Variants in ZFHX4 observed in about 807,000 individuals in gnomAD.
The protein encoded by ZFHX4 is zinc finger homeobox 4, also known as zinc finger homeobox protein 4.
ZFHX4 carries 56 observed loss-of-function variants against 267.6 expected under a neutral mutation model. The ratio of observed to expected loss-of-function variants is 0.21; its 90% CI spans 0.17 to 0.26. The LOEUF (loss-of-function observed/expected upper bound fraction) is 0.26. Among genes scored for constraint, ZFHX4 ranks in the 10% least tolerant of loss-of-function variants. ZFHX4 has a pLI of 1.00. For synonymous variants in ZFHX4, 1,778 were observed against 1,665.6 expected (o/e 1.07, Z -1.64); for missense variants, 4,332 against 4,420.0 (o/e 0.98, Z 0.56).
At chr8:76,856,348 G>A (rs768598982) in intron 10 of ZFHX4, 48 bp downstream of exon 10, 2 of 1,599,542 alleles carry the variant, frequency 1.3e-6, no homozygotes, top group Non-Finnish European at 1.7e-6. Context: ...GTAGCATCAG[G>A]TAGACAGTCA....
intron 4 of ZFHX4, among the ~76,000 whole-genome samples, chr8:76,792,977 T>C (rs895024466): frequency 2.0e-5 from 3 of 152,148 alleles, no homozygotes; most frequent in African/African-American, 7.2e-5. Flanking sequence ...CACATTGCCG[T>C]GGGGCCTTAA....
At position 76,766,247 on chromosome 8, in the gene ZFHX4, C is replaced by T. The variant is rs117983389; in HGVS notation, c.3094-11961C>T. Among the ~76,000 whole-genome samples, 629 of 151,780 alleles carry T rather than the reference C, an allele frequency of 4.1e-3. 6 individuals carry two copies. Among genetic ancestry groups the T allele is most frequent in the Non-Finnish European group, 6.2e-3 (421 of 67,920 alleles). Reference sequence around the variant, plus strand: ...ATATAGGTAATTGGGCTTTCTGTTGCAAAATATGCTCTAATGTCTTAATGT... The same window carrying T: ...ATATAGGTAATTGGGCTTTCTGTTGTAAAATATGCTCTAATGTCTTAATGT... On this transcript the variant is annotated intron_variant, in intron 3 of 10. Transcript: ENST00000651372.
At position 76,853,599 on chromosome 8, in the gene ZFHX4, A is replaced by G; in HGVS notation, c.6678A>G (p.Lys2226=). ...ACAAATCTGATGCATCATTCAGTAA[A>G]AGGTCTTCTAGAACGAGATTTACTG... ...EHYKSDASFS[K]RSSRTRFTDY... The change falls in exon 10 of 11, where the codon AAA becomes AAG. Residue 2226 remains lysine, a synonymous_variant. Coordinates refer to ENST00000651372, the MANE Select transcript of ZFHX4 (RefSeq NM_024721.5). The G allele has an allele frequency of 6.2e-7, 1 of 1,613,830 alleles. No homozygotes were observed. Among genetic ancestry groups the G allele is most frequent in the East Asian group, 2.2e-5 (1 of 44,818 alleles).
rs1043837819 is a variant in ZFHX4 at position 76,778,298 on chromosome 8, C to G, written c.3184C>G (p.Leu1062Val). The G allele has an allele frequency of 6.2e-7, 1 of 1,613,722 alleles. No individual in the cohort carries two copies. Among genetic ancestry groups the G allele is most frequent in the Non-Finnish European group, 8.5e-7 (1 of 1,179,770 alleles). ...TTACACCACCAAGGTCAAGTTGAAT[C>G]TGGTACAACATGTCCGTTCGGTGAA... ...CDYTTKVKLN[L>V]VQHVRSVKHQ... The change falls in exon 4 of 11, where the codon CTG becomes GTG. Residue 1062 changes from leucine (L) to valine (V), a missense_variant. By Grantham distance (32) the Leu-to-Val change is conservative (BLOSUM62 1). This residue lies in a region of ZFHX4 where 1,371 missense variants were observed against 1,423.1 expected (regional missense o/e 0.96). Coordinates refer to ENST00000651372, the MANE Select transcript of ZFHX4 (RefSeq NM_024721.5).
chr8:76,842,937 G>T (rs1231241740), intron 6 of ZFHX4, among the ~76,000 whole-genome samples, 166 bp downstream of exon 6: 2 of 152,036 alleles, frequency 1.3e-5, no homozygotes, highest in African/African-American at 4.8e-5. Context: ...TTTTGCATGT[G>T]ATTTCTATCA....
chr8:76,715,566 A>G (rs1421304135), intron 3 of ZFHX4, among the ~76,000 whole-genome samples: 1 of 151,952 alleles, frequency 6.6e-6, no homozygotes, highest in East Asian at 1.9e-4. Context: ...AACCAGGATA[A>G]AAATGTGGTA....
At chr8:76,806,423 AT>A (rs1473293661) in intron 4 of ZFHX4, among the ~76,000 whole-genome samples, 1 of 152,086 alleles carries the variant, frequency 6.6e-6, no homozygotes, top group African/African-American at 2.4e-5. Context: ...AGGCTCTATT[AT>A]TTTTGGTTAT....
intron 4 of ZFHX4, among the ~76,000 whole-genome samples, chr8:76,784,362 T>A (rs1810630532): frequency 6.6e-6 from 1 of 152,028 alleles, no homozygotes. Flanking sequence ...GTTGATATGC[T>A]GTCAATATTA....
intron 3 of ZFHX4, among the ~76,000 whole-genome samples, chr8:76,734,673 A>T (rs1376262825): frequency 1.3e-5 from 2 of 152,090 alleles, no homozygotes; most frequent in Non-Finnish European, 2.9e-5. Flanking sequence ...TCTTCATTGT[A>T]GTTTTTACAT....
intron 3 of ZFHX4, among the ~76,000 whole-genome samples, chr8:76,726,079 G>A (rs981130199): frequency 3.9e-5 from 6 of 152,012 alleles, no homozygotes; most frequent in Non-Finnish European, 7.4e-5. Context: ...GTACCTTCAC[G>A]AAGAGCTCAA....
chr8:76,761,316 G>T (rs539165631), intron 3 of ZFHX4, among the ~76,000 whole-genome samples: 18 of 152,308 alleles, frequency 1.2e-4, no homozygotes, highest in African/African-American at 4.3e-4. Flanking sequence ...CCAATAGGTA[G>T]CCTCCTCATG....
chr8:76,856,638 A>C (rs1812735747), intron 10 of ZFHX4, among the ~76,000 whole-genome samples: 1 of 152,186 alleles, frequency 6.6e-6, no homozygotes, highest in Non-Finnish European at 1.5e-5. Flanking sequence ...CATGTGGCTT[A>C]GTATTTGGTA....
chr8:76,810,658 C>A (rs1563535639), intron 4 of ZFHX4, among the ~76,000 whole-genome samples: 1 of 152,164 alleles, frequency 6.6e-6, no homozygotes, highest in East Asian at 1.9e-4. Context: ...AACCGTTATA[C>A]TGGCAGATGT....
chr8:76,832,711 A>T (rs916944903), intron 4 of ZFHX4, among the ~76,000 whole-genome samples: 5 of 152,188 alleles, frequency 3.3e-5, no homozygotes, highest in African/African-American at 1.2e-4. Flanking sequence ...AGGTTCCCCT[A>T]CAATAGAGTG....
intron 4 of ZFHX4, among the ~76,000 whole-genome samples, chr8:76,780,513 T>G (rs2733722): frequency 1.3e-5 from 2 of 152,052 alleles, no homozygotes; most frequent in African/African-American, 4.8e-5. Context: ...TGCTAATGCT[T>G]TTTGGTTTAG....
intron 3 of ZFHX4, among the ~76,000 whole-genome samples, chr8:76,733,710 T>A (rs1809082078): frequency 6.6e-6 from 1 of 152,178 alleles, no homozygotes; most frequent in East Asian, 1.9e-4. Flanking sequence ...GGATTTTCTC[T>A]TCCATAAATG....
intron 4 of ZFHX4, among the ~76,000 whole-genome samples, chr8:76,808,588 G>A (rs1015400720): frequency 1.3e-5 from 2 of 152,128 alleles, no homozygotes; most frequent in Non-Finnish European, 2.9e-5. Flanking sequence ...TCTCTTGAAT[G>A]GATAAGTGTC....
rs778144428 is a variant in ZFHX4 at position 76,854,166 on chromosome 8, G to C, written c.7245G>C (p.Gln2415His). ...KPEYPAEKPKQSDPSPPSQGT... is the reference protein window; with the variant it reads ...KPEYPAEKPKHSDPSPPSQGT... ...AATATCCCGCAGAAAAGCCAAAGCA[G>C]AGTGACCCCTCTCCCCCTTCTCAAG... The change falls in exon 10 of 11, where the codon CAG becomes CAC. Residue 2415 changes from glutamine (Q) to histidine (H), a missense_variant. Physicochemically the swap from Gln to His is conservative, Grantham distance 24 (BLOSUM62 0). This residue lies in a region of ZFHX4 where 1,648 missense variants were observed against 1,625.0 expected (regional missense o/e 1.01). Coordinates refer to ENST00000651372, the MANE Select transcript of ZFHX4 (RefSeq NM_024721.5). The C allele has an allele frequency of 2.4e-5, 38 of 1,597,100 alleles. No homozygotes were observed. The highest frequency in any genetic ancestry group is 3.2e-5 in the Non-Finnish European group (37 of 1,171,724).
chr8:76,799,132 G>T (rs944557604), intron 4 of ZFHX4, among the ~76,000 whole-genome samples: 1 of 152,112 alleles, frequency 6.6e-6, no homozygotes, highest in Non-Finnish European at 1.5e-5. Context: ...TTTGTAACTT[G>T]TTTTTCCCTC....
Sources: allele counts gnomAD v4.1 joint callset (sites outside exome capture counted in the v4.1 genomes callset), GRCh38; gene constraint gnomAD v4.1.1; regional missense constraint gnomAD v4.1.1; transcripts MANE v1.5; gene names NCBI Gene and HGNC (gene_info 2026-07-23, HGNC 2026-07-21).